TTC8: variants seen among roughly 807,000 people sequenced by gnomAD.
TTC8 encodes the protein tetratricopeptide repeat domain 8.
In TTC8, 47 loss-of-function variants were observed where a neutral mutation model predicts 72.5. That is an observed-to-expected ratio of 0.65 (90% CI 0.51 to 0.83). The LOEUF is 0.83. Ranked by LOEUF, TTC8 falls within the 40% of genes least tolerant of loss-of-function variation. TTC8 has a pLI of 0.00. For missense variants in TTC8, 611 were observed against 623.2 expected (o/e 0.98, Z 0.21); for synonymous variants, 199 against 221.4 (o/e 0.90, Z 0.90).
Position 88,875,084 on chromosome 14 carries a change from T to G in TTC8, c.1406T>G (p.Phe469Cys), listed in dbSNP as rs1366747813. The G allele has an allele frequency of 6.2e-7, 1 of 1,612,862 alleles. No homozygotes were observed. Among genetic ancestry groups the G allele is most frequent in the South Asian group, 1.1e-5 (1 of 91,022 alleles). The change falls in exon 14 of 15, where the codon TTT becomes TGT. Residue 469 changes from phenylalanine to cysteine, a missense_variant. Phe to Cys is a radical substitution (Grantham distance 205). Transcript: ENST00000380656. ...SLAPHMYEPHFNFATISDKIG... is the reference protein window; with the variant it reads ...SLAPHMYEPHCNFATISDKIG... ...GCACCCCATATGTATGAACCGCATT[T>G]TAATTTTGCAACAATCTCTGATAAG...
At chr14:88,876,830 T>A (rs2094959308) in intron 14 of TTC8, among the ~76,000 whole-genome samples, 1 of 152,210 alleles carries the variant, frequency 6.6e-6, no homozygotes, top group African/African-American at 2.4e-5. Context: ...TTAAATTTTC[T>A]GTCTAAAAGG....
chr14:88,861,717 A>C (rs1161938042), intron 10 of TTC8, among the ~76,000 whole-genome samples: 4 of 152,174 alleles, frequency 2.6e-5, no homozygotes, highest in Non-Finnish European at 5.9e-5. Context: ...TAGCTACTGC[A>C]TGAGTGAGAA....
chr14:88,857,756 CA>C (rs1595966294), intron 9 of TTC8, among the ~76,000 whole-genome samples: 1 of 152,164 alleles, frequency 6.6e-6, no homozygotes, highest in East Asian at 1.9e-4. Flanking sequence ...TTAACCCTCA[CA>C]ATAACCCTGC....
intron 8 of TTC8, among the ~76,000 whole-genome samples, chr14:88,854,298 T>C (rs2094846559): frequency 6.6e-6 from 1 of 152,222 alleles, no homozygotes; most frequent in African/African-American, 2.4e-5. Context: ...GTGTACCTTG[T>C]CATATTAAAT....
intron 10 of TTC8, among the ~76,000 whole-genome samples, chr14:88,865,592 C>T (rs1458312914): frequency 1.3e-5 from 2 of 152,116 alleles, no homozygotes; most frequent in Non-Finnish European, 2.9e-5. Context: ...TGCTTGAACC[C>T]AGGAGGCAGA....
intron 9 of TTC8, among the ~76,000 whole-genome samples, chr14:88,858,026 A>G (rs2094865275): frequency 6.7e-6 from 1 of 150,158 alleles, no homozygotes; most frequent in Non-Finnish European, 1.5e-5. Flanking sequence ...CAGTGGCATG[A>G]TCTCAGCTCA....
intron 8 of TTC8, among the ~76,000 whole-genome samples, chr14:88,853,695 AGTATTTTTATATTCTCTTAATGTTTCAAT>A (rs1478850170): frequency 6.6e-6 from 1 of 152,152 alleles, no homozygotes; most frequent in East Asian, 1.9e-4. Flanking sequence ...GTAGGACCTG[AGTATTTTTATATTCTCTTAATGTTTCAAT>A]GTATTTTAAA....
At chr14:88,870,657 T>G (rs1245194833) in intron 11 of TTC8, among the ~76,000 whole-genome samples, 1 of 152,188 alleles carries the variant, frequency 6.6e-6, no homozygotes. Context: ...TGTCCCAATA[T>G]TTTTTCAGTC....
At chr14:88,838,486 A>G (rs1160532895) in intron 2 of TTC8, among the ~76,000 whole-genome samples, 1 of 152,072 alleles carries the variant, frequency 6.6e-6, no homozygotes, top group Non-Finnish European at 1.5e-5. Context: ...TAGTATACTG[A>G]GCCTAATGCC....
intron 2 of TTC8, chr14:88,834,108 C>T (rs1385346192): frequency 7.5e-6 from 2 of 267,860 alleles, no homozygotes; most frequent in Non-Finnish European, 7.3e-6. Flanking sequence ...TGTCTTGAGT[C>T]AAGAGTGGAC....
At chr14:88,869,613 A>T (rs188558403) in intron 10 of TTC8, among the ~76,000 whole-genome samples, 1 of 152,006 alleles carries the variant, frequency 6.6e-6, no homozygotes, top group East Asian at 1.9e-4. Flanking sequence ...GTGGTTCTTC[A>T]TATGTGACAA....
intron 1 of TTC8, among the ~76,000 whole-genome samples, chr14:88,833,226 T>A (rs1412580369): frequency 6.6e-6 from 1 of 152,128 alleles, no homozygotes; most frequent in African/African-American, 2.4e-5. Flanking sequence ...TTTTAACCAG[T>A]GGGTTTCTAT....
At chr14:88,860,810 CT>C (rs113496415) in intron 9 of TTC8, among the ~76,000 whole-genome samples, 326 of 144,530 alleles carry the variant, frequency 2.3e-3, no homozygotes, top group Non-Finnish European at 2.2e-3. Flanking sequence ...TCTTCTTCTT[CT>C]TTTTTTTTTT....
intron 9 of TTC8, 39 bp downstream of exon 9, chr14:88,857,316 G>A: frequency 1.9e-6 from 3 of 1,557,348 alleles, no homozygotes; most frequent in Non-Finnish European, 2.7e-6. Context: ...TGCCTTCTCA[G>A]AATAAATGTT....
At chr14:88,844,393 TG>T (rs1412629151) in intron 7 of TTC8, among the ~76,000 whole-genome samples, 1 of 152,250 alleles carries the variant, frequency 6.6e-6, no homozygotes, top group African/African-American at 2.4e-5. Flanking sequence ...TGAGCAATAA[TG>T]GAACAACTTT....
intron 13 of TTC8, among the ~76,000 whole-genome samples, chr14:88,874,103 T>C (rs1270485345): frequency 2.0e-5 from 3 of 152,264 alleles, no homozygotes; most frequent in Non-Finnish European, 4.4e-5. Flanking sequence ...GATTTTTCTC[T>C]GTTCCCATAT....
At position 88,871,718 on chromosome 14, in the gene TTC8, G is replaced by GC. The variant is rs1306287008; in HGVS notation, c.1220dup (p.Val408CysfsTer41). ...TGTCTGGTACAACTTGGGACATGTAGCTGTGGTATGTTGTCTTACTGATAT... is the reference window on the plus strand; with the variant it reads ...TGTCTGGTACAACTTGGGACATGTAGCCTGTGGTATGTTGTCTTACTGATAT... On this transcript the variant is annotated frameshift_variant, in exon 12 of 15. Transcript: ENST00000380656. LOFTEE classifies it high-confidence loss of function. This position sits in a 1 kb window ranked among gnomAD's most constrained non-coding sequence, Gnocchi z 4.1. 1 of 1,614,074 alleles carries GC rather than the reference G, an allele frequency of 6.2e-7. No individual in the cohort carries two copies. The highest frequency in any genetic ancestry group is 8.5e-7 in the Non-Finnish European group (1 of 1,179,980).
chr14:88,853,322 A>G lies in TTC8; in HGVS notation c.710+266A>G, dbSNP rs79490143. On this transcript the variant is annotated intron_variant, in intron 8 of 14. Coordinates refer to ENST00000380656, the MANE Select transcript of TTC8 (RefSeq NM_144596.4). ...CACATGAGGAAGCTGAGGCCAAGAC[A>G]GTGGCTGTAATTTGCATCAGGAGCT... Among the ~76,000 whole-genome samples, 537 of 152,320 alleles carry G rather than the reference A, an allele frequency of 3.5e-3. 4 individuals are homozygous for G. The highest frequency in any genetic ancestry group is 0.012 in the African/African-American group (499 of 41,590).
In TTC8 at chr14:88,868,318, A is replaced by T. The variant is rs553967759; in HGVS notation, c.910-1741A>T. Among the ~76,000 whole-genome samples, 137 of 152,354 alleles carry T rather than the reference A, an allele frequency of 9.0e-4. 1 individual carries two copies. The highest frequency in any genetic ancestry group is 1.5e-3 in the Non-Finnish European group (104 of 68,038). ...ATAAGTAAATGTTTAAAGATAGCTCAGTTGCAATTTCTAATATTAATCTAT... is the reference window on the plus strand; with the variant it reads ...ATAAGTAAATGTTTAAAGATAGCTCTGTTGCAATTTCTAATATTAATCTAT... On this transcript the variant is annotated intron_variant, in intron 10 of 14. Coordinates refer to ENST00000380656, the MANE Select transcript of TTC8 (RefSeq NM_144596.4).
Sources: allele counts gnomAD v4.1 joint callset (sites outside exome capture counted in the v4.1 genomes callset), GRCh38; gene constraint gnomAD v4.1.1; non-coding constraint Gnocchi (gnomAD v3.1); transcripts MANE v1.5; gene names NCBI Gene and HGNC (gene_info 2026-07-23, HGNC 2026-07-21).